The following SLC45A1 variants were observed in gnomAD, a reference collection of about 807,000 sequenced individuals.
SLC45A1 encodes the protein solute carrier family 45 member 1.
A neutral mutation model predicts 57.6 loss-of-function variants in SLC45A1; 28 were observed. The observed-to-expected ratio is 0.49, with a 90% CI of 0.36 to 0.67. SLC45A1 has a LOEUF of 0.67. Among genes scored for constraint, SLC45A1 ranks in the 30% least tolerant of loss-of-function variants. The pLI is 0.00. For synonymous variants in SLC45A1, 459 were observed against 471.5 expected, an observed-to-expected ratio of 0.97 and a Z score of 0.34; for missense variants, 814 against 1,041.5, an observed-to-expected ratio of 0.78 and a Z score of 3.01.
At chr1:8,319,330 A>G (rs1639920619) in intron 1 of SLC45A1, among the ~76,000 whole-genome samples, 1 of 152,196 alleles carries the variant, frequency 6.6e-6, no homozygotes, top group African/African-American at 2.4e-5. Context: ...GCCCAAGGCA[A>G]CCCCGTGGGG....
At position 8,330,520 on chromosome 1, in the gene SLC45A1, C is replaced by A. The variant is rs748095650; in HGVS notation, c.1027C>A (p.Pro343Thr). The A allele has an allele frequency of 1.1e-5, 17 of 1,613,336 alleles. No individual in the cohort carries two copies. Among genetic ancestry groups the A allele is most frequent in the Non-Finnish European group, 1.4e-5 (16 of 1,179,968 alleles). The change falls in exon 5 of 9, where the codon CCC becomes ACC. Residue 343 changes from proline to threonine, a missense_variant. Transcript: ENST00000471889. The surrounding 1 kb of genome is among the most constrained non-coding windows in gnomAD (Gnocchi z 8.4). ...NFSSPISPPS[P>T]LTPKYGSFIS... The stretch of plus-strand genomic sequence containing the variant: ...CTCCAGCCCCATCTCGCCGCCCAGC[C>A]CCCTCACGCCCAAGTACGGCAGCTT...
intron 5 of SLC45A1, among the ~76,000 whole-genome samples, chr1:8,334,647 G>C (rs949801315): frequency 2.6e-5 from 4 of 152,074 alleles, no homozygotes; most frequent in African/African-American, 9.7e-5. Flanking sequence ...AGGCTGCAGT[G>C]AGCCATGACC....
chr1:8,330,650 A>G lies in SLC45A1; in HGVS notation c.1157A>G (p.Asp386Gly). Residue 386 changes from aspartate to glycine, a missense_variant, in exon 5 of 9, where the codon GAC becomes GGC. Transcript: ENST00000471889. The surrounding 1 kb of genome is among the most constrained non-coding windows in gnomAD (Gnocchi z 8.4). ...VLIDCFTGGHDSYLAIPGSVP... is the reference protein window; with the variant it reads ...VLIDCFTGGHGSYLAIPGSVP... Reference sequence around the variant, plus strand: ...ATTGACTGCTTCACGGGCGGCCACGACAGCTACCTGGCCATCCCTGGCAGC... The same window carrying G: ...ATTGACTGCTTCACGGGCGGCCACGGCAGCTACCTGGCCATCCCTGGCAGC... The G allele has an allele frequency of 6.2e-7, 1 of 1,613,414 alleles. No homozygotes were observed. Among genetic ancestry groups the G allele is most frequent in the Non-Finnish European group, 8.5e-7 (1 of 1,179,970 alleles).
intron 5 of SLC45A1, among the ~76,000 whole-genome samples, chr1:8,332,673 G>A (rs1431404067): frequency 1.3e-5 from 2 of 151,804 alleles, no homozygotes; most frequent in African/African-American, 2.4e-5. Flanking sequence ...CACCACGCCC[G>A]GCTAATTTTG....
intron 8 of SLC45A1, among the ~76,000 whole-genome samples, chr1:8,340,101 G>T (rs113298030): frequency 6.6e-6 from 1 of 152,052 alleles, no homozygotes; most frequent in African/African-American, 2.4e-5. Flanking sequence ...TGTTAATGCA[G>T]TATTTTTAAA....
rs568613375 is a variant in SLC45A1 at position 8,326,843 on chromosome 1, G to T, written c.715+801G>T. ...AAAATACAAAAAATTAGCTGGGCGT[G>T]GTGGCACATGCCTGTAATCCCAGCT... On this transcript the variant is annotated intron_variant, in intron 4 of 8. Transcript: ENST00000471889. This position sits in a 1 kb window ranked among gnomAD's most constrained non-coding sequence, Gnocchi z 5.5. Among the ~76,000 whole-genome samples the T allele has an allele frequency of 2.6e-5, 4 of 152,140 alleles. No individual in the cohort carries two copies. Among genetic ancestry groups the T allele is most frequent in the African/African-American group, 9.7e-5 (4 of 41,430 alleles).
At chr1:8,318,780 A>G (rs1013885797) in intron 1 of SLC45A1, among the ~76,000 whole-genome samples, 2 of 152,216 alleles carry the variant, frequency 1.3e-5, no homozygotes, top group African/African-American at 4.8e-5. Context: ...AAGCAGAGTC[A>G]GGGGCGGAGG....
chr1:8,328,511 G>A lies in SLC45A1; in HGVS notation c.716-1698G>A, dbSNP rs1473309. Among the ~76,000 whole-genome samples, 685 of 152,302 alleles carry A rather than the reference G, an allele frequency of 4.5e-3. 33 individuals carry two copies. In the East Asian group the frequency reaches 0.11, roughly 24 times the overall value. Reference sequence around the variant, plus strand: ...TTACCTTACGCCCGTCTATGAGAATGCACCACTTTGATCATTCAAGAAAAT... The same window carrying A: ...TTACCTTACGCCCGTCTATGAGAATACACCACTTTGATCATTCAAGAAAAT... On this transcript the variant is annotated intron_variant, in intron 4 of 8. Transcript: ENST00000471889. The surrounding 1 kb of genome is among the most constrained non-coding windows in gnomAD (Gnocchi z 4.6).
Position 8,330,995 on chromosome 1 carries a change from T to C in SLC45A1, c.1443+59T>C, listed in dbSNP as rs1640389635. The C allele has an allele frequency of 2.0e-6, 3 of 1,514,326 alleles. No homozygotes were observed. The African/African-American group carries it at 4.1e-5, about 21-fold the overall frequency. The allele number at this position is 1,514,326 out of a possible 1,614,324, so 93.8% of individuals were successfully genotyped here. A position where few individuals can be genotyped will look rare whatever the true frequency, so the allele number is the denominator to read the frequency against. ...AGGGTGGCATTCGGGGGTCCCCTGGTCAGTTACATGACAAAGAGGGAGAGT... is the reference window on the plus strand; with the variant it reads ...AGGGTGGCATTCGGGGGTCCCCTGGCCAGTTACATGACAAAGAGGGAGAGT... On this transcript the variant is annotated intron_variant, in intron 5 of 8. Coordinates refer to ENST00000471889, the MANE Select transcript of SLC45A1 (RefSeq NM_001080397.3). This position sits in a 1 kb window ranked among gnomAD's most constrained non-coding sequence, Gnocchi z 8.4.
chr1:8,332,923 C>T (rs780716406), intron 5 of SLC45A1, among the ~76,000 whole-genome samples: 5 of 152,180 alleles, frequency 3.3e-5, no homozygotes, highest in Admixed American at 1.3e-4. Context: ...TCAGTAAGAA[C>T]GTGGTGTTTC....
rs952169776 is a variant in SLC45A1, at chr1:8,327,159, GT to G, written c.715+1121del. On this transcript the variant is annotated intron_variant, in intron 4 of 8. Coordinates refer to ENST00000471889, the MANE Select transcript of SLC45A1 (RefSeq NM_001080397.3). The surrounding 1 kb of genome is among the most constrained non-coding windows in gnomAD (Gnocchi z 4.3). Reference sequence around the variant, plus strand: ...AGAGCACCGTGAGGATTGGTTCTGAGTTTTCCTCACTAAATGAGGAGGTGAA... The same window carrying G: ...AGAGCACCGTGAGGATTGGTTCTGAGTTTCCTCACTAAATGAGGAGGTGAA... Among the ~76,000 whole-genome samples, 9 of 150,836 alleles carry G rather than the reference GT, an allele frequency of 6.0e-5. No individual in the cohort carries two copies. The highest frequency in any genetic ancestry group is 1.9e-4 in the African/African-American group (8 of 41,128).
rs1640673335 is a variant in SLC45A1, at chr1:8,337,925, C to T, written c.1707C>T (p.Tyr569=). The part of the protein sequence containing the change: ...APHTSEAYQK[Y]NSGVTMGCWG... ...ACACATCAGAGGCGTATCAGAAGTACAACAGCGGCGTGACCATGGGCTGCT... is the reference window on the plus strand; with the variant it reads ...ACACATCAGAGGCGTATCAGAAGTATAACAGCGGCGTGACCATGGGCTGCT... The change falls in exon 7 of 9, where the codon TAC becomes TAT. Residue 569 remains tyrosine (Y), a synonymous_variant. Coordinates refer to ENST00000471889, the MANE Select transcript of SLC45A1 (RefSeq NM_001080397.3). 2.5e-6 allele frequency: 4 copies of T among 1,614,124 alleles called. No individual in the cohort carries two copies. In the South Asian group the frequency reaches 4.4e-5, roughly 18 times the overall value.
rs920313598 is a variant in SLC45A1, at chr1:8,325,547, C to T, written c.490+157C>T. Among the ~76,000 whole-genome samples the T allele has an allele frequency of 6.6e-6, 1 of 152,124 alleles. No homozygotes were observed. Among genetic ancestry groups the T allele is most frequent in the African/African-American group, 2.4e-5 (1 of 41,430 alleles). On this transcript the variant is annotated intron_variant, in intron 3 of 8. Transcript: ENST00000471889. This position sits in a 1 kb window ranked among gnomAD's most constrained non-coding sequence, Gnocchi z 6.3. The stretch of plus-strand genomic sequence containing the variant: ...GGCAGGGAGTGCCCCGCAACCTGGC[C>T]TCAGTTAACTGTGAGAATAGATCGC...
At chr1:8,318,625 G>A (rs1339121593) in intron 1 of SLC45A1, among the ~76,000 whole-genome samples, 1 of 152,238 alleles carries the variant, frequency 6.6e-6, no homozygotes, top group African/African-American at 2.4e-5. Context: ...CGAGGGCACC[G>A]AGGACTCCCC....
At chr1:8,342,131 C>T (rs978725628) in intron 8 of SLC45A1, among the ~76,000 whole-genome samples, 8 of 149,746 alleles carry the variant, frequency 5.3e-5, no homozygotes, top group East Asian at 2.0e-4. Context: ...GGCGTGAACC[C>T]GGGAGGCGGA....
intron 1 of SLC45A1, among the ~76,000 whole-genome samples, chr1:8,321,912 TG>T (rs1640018625): frequency 7.9e-6 from 1 of 127,182 alleles, no homozygotes; most frequent in Non-Finnish European, 1.6e-5. Context: ...GGTGGATGGA[TG>T]GATGGATGGG....
At chr1:8,322,138 G>A (rs1191189410) in intron 1 of SLC45A1, among the ~76,000 whole-genome samples, 1 of 142,426 alleles carries the variant, frequency 7.0e-6, no homozygotes, top group African/African-American at 2.7e-5. Flanking sequence ...TGGATGGATG[G>A]GTGGGTGCGT....
chr1:8,332,897 A>G (rs527765640), intron 5 of SLC45A1, among the ~76,000 whole-genome samples: 1 of 152,354 alleles, frequency 6.6e-6, no homozygotes, highest in South Asian at 2.1e-4. Flanking sequence ...TGGGCGTTGC[A>G]GGAGGAGAGT....
chr1:8,320,690 TCTACACACACACACACAC>T (rs1212457139), intron 1 of SLC45A1, among the ~76,000 whole-genome samples: 3 of 130,216 alleles, frequency 2.3e-5, no homozygotes, highest in Non-Finnish European at 4.8e-5. Context: ...TCTCTCTCTC[TCTACACACACACACACAC>T]ACACACACAC....
Sources: gnomAD v4.1 joint callset for allele counts (sites outside exome capture counted in the v4.1 genomes callset) on GRCh38, gnomAD v4.1.1 for gene constraint, Gnocchi (gnomAD v3.1) non-coding constraint, MANE v1.5 for transcripts, NCBI Gene and HGNC (gene_info 2026-07-23, HGNC 2026-07-21) for gene names.